PANK3: variants seen among roughly 807,000 people sequenced by gnomAD.
PANK3 encodes pantothenate kinase 3.
In PANK3, 20 loss-of-function variants were observed where a neutral mutation model predicts 39.4. The observed-to-expected ratio is 0.51, with a 90% CI of 0.36 to 0.74. PANK3 has a LOEUF of 0.74. Among genes scored for constraint, PANK3 ranks in the 30% least tolerant of loss-of-function variants. The pLI, the probability that PANK3 is intolerant of heterozygous loss-of-function variation, is 0.00. For synonymous variants in PANK3, 140 were observed against 157.3 expected, an observed-to-expected ratio of 0.89 and a Z score of 0.82; for missense variants, 265 against 437.0, an observed-to-expected ratio of 0.61 and a Z score of 3.51.
At chr5:168,564,915 A>AT in intron 3 of PANK3, among the ~76,000 whole-genome samples, 1 of 152,224 alleles carries the variant, frequency 6.6e-6, no homozygotes, top group Admixed American at 6.5e-5. Context: ...ATTTGCTTCT[A>AT]TTATTCTTCT....
In PANK3 at chr5:168,555,680, A is replaced by G. The variant is rs779375021; in HGVS notation, c.*1891T>C. On this transcript the variant is annotated 3_prime_UTR_variant, in exon 7 of 7. Coordinates refer to ENST00000239231, the MANE Select transcript of PANK3 (RefSeq NM_024594.4). The stretch of plus-strand genomic sequence containing the variant: ...GAGCACATCTCAATTTGGACTAACC[A>G]TATTTCAAATGCTCAACAGCTACAT... 3 of 152,258 alleles carry G rather than the reference A, an allele frequency of 2.0e-5. No homozygotes were observed. Among genetic ancestry groups the G allele is most frequent in the Non-Finnish European group, 2.9e-5 (2 of 68,044 alleles). The allele number at this position is 152,258 out of a possible 1,614,324, so 9.4% of individuals were successfully genotyped here.
intron 1 of PANK3, among the ~76,000 whole-genome samples, chr5:168,573,165 T>C (rs1759670201): frequency 6.6e-6 from 1 of 151,664 alleles, no homozygotes; most frequent in Non-Finnish European, 1.5e-5. Flanking sequence ...AACCAGAAAA[T>C]TGCAGGCTCC....
At chr5:168,570,022 A>T (rs892121283) in intron 1 of PANK3, among the ~76,000 whole-genome samples, 4 of 151,966 alleles carry the variant, frequency 2.6e-5, no homozygotes, top group Non-Finnish European at 5.9e-5. Flanking sequence ...TACACTGCAG[A>T]TTAGGTAACA....
intron 1 of PANK3, among the ~76,000 whole-genome samples, chr5:168,574,901 G>C (rs1041467020): frequency 6.6e-6 from 1 of 151,972 alleles, no homozygotes; most frequent in African/African-American, 2.4e-5. Flanking sequence ...AGGAAATCAA[G>C]CAAGTATCTA....
intron 5 of PANK3, 113 bp downstream of exon 5, chr5:168,561,280 A>G (rs1759443172): frequency 1.1e-6 from 1 of 876,216 alleles, no homozygotes; most frequent in Non-Finnish European, 1.7e-6. Context: ...TTAATGGGTT[A>G]CATCTCAATC....
intron 4 of PANK3, 116 bp from the exon 5 acceptor site, chr5:168,561,632 C>T (rs1759450477): frequency 1.2e-6 from 1 of 845,346 alleles, no homozygotes; most frequent in Admixed American, 3.9e-5. Flanking sequence ...AAAGTAGAAA[C>T]ACATAGGGAT....
chr5:168,565,067 C>T (rs542553411), intron 3 of PANK3, among the ~76,000 whole-genome samples: 6 of 152,126 alleles, frequency 3.9e-5, no homozygotes, highest in East Asian at 3.9e-4. Context: ...TAGAGTTAAC[C>T]GAAGAAGGCA....
intron 1 of PANK3, among the ~76,000 whole-genome samples, chr5:168,574,485 T>C (rs576417500): frequency 6.6e-6 from 1 of 152,204 alleles, no homozygotes; most frequent in South Asian, 2.1e-4. Context: ...AAACTTTACT[T>C]ATTTGCAGTG....
chr5:168,573,444 A>AAAAAAAAAAAAAACAAAC (rs1759679971), intron 1 of PANK3, among the ~76,000 whole-genome samples: 1 of 143,902 alleles, frequency 6.9e-6, no homozygotes, highest in African/African-American at 2.5e-5. Context: ...AAAAAAAAAA[A>AAAAAAAAAAAAAACAAAC]AAGGCACAAA....
intron 1 of PANK3, among the ~76,000 whole-genome samples, chr5:168,573,446 A>AAAAAAAAAAAAAAAAAAAAG (rs1759680097): frequency 7.4e-6 from 1 of 134,272 alleles, no homozygotes; most frequent in African/African-American, 2.7e-5. Context: ...AAAAAAAAAA[A>AAAAAAAAAAAAAAAAAAAAG]GGCACAAAGA....
intron 5 of PANK3, among the ~76,000 whole-genome samples, chr5:168,559,465 G>A (rs1432690006): frequency 6.6e-6 from 1 of 152,130 alleles, no homozygotes; most frequent in East Asian, 1.9e-4. Flanking sequence ...TCTACTATGG[G>A]ATGCTGAGGA....
At position 168,579,304 on chromosome 5, in the gene PANK3, T is replaced by C. The variant is rs781265819; in HGVS notation, c.-21A>G. ...TTCATGGCGTCGGCCCGAGGGGCGATGGACGGCCTCCGATCCGGGGCACTG... is the reference window on the plus strand; with the variant it reads ...TTCATGGCGTCGGCCCGAGGGGCGACGGACGGCCTCCGATCCGGGGCACTG... On this transcript the variant is annotated 5_prime_UTR_variant, in exon 1 of 7. Coordinates refer to ENST00000239231, the MANE Select transcript of PANK3 (RefSeq NM_024594.4). 7 of 1,475,328 alleles carry C rather than the reference T, an allele frequency of 4.7e-6. No individual in the cohort carries two copies. Among genetic ancestry groups the C allele is most frequent in the African/African-American group, 2.9e-5 (2 of 68,120 alleles). The allele number at this position is 1,475,328 out of a possible 1,614,324, so 91.4% of individuals were successfully genotyped here.
intron 6 of PANK3, 62 bp downstream of exon 6, chr5:168,558,970 C>A: frequency 2.6e-6 from 4 of 1,519,912 alleles, no homozygotes; most frequent in Non-Finnish European, 2.7e-6. Flanking sequence ...AGTGACAGAG[C>A]AAGACCCTGT....
In PANK3 at chr5:168,549,739, A is replaced by C. The variant is rs1217849780; in HGVS notation, c.*7832T>G. 6.6e-6 allele frequency: 1 copy of C among 152,214 alleles called. No individual in the cohort carries two copies. The highest frequency in any genetic ancestry group is 6.5e-5 in the Admixed American group (1 of 15,274). 9.4% of individuals were successfully genotyped at this position (152,214 alleles called of 1,614,324 possible). On this transcript the variant is annotated 3_prime_UTR_variant, in exon 7 of 7. Transcript: ENST00000239231. ...GTACCTGAAATCCCAGTATCAGCTC[A>C]TAGTACATTCATTCGTTCATTCATT...
Position 168,566,171 on chromosome 5 carries a change from C to A in PANK3, c.477G>T (p.Glu159Asp). 1 of 1,614,008 alleles carries A rather than the reference C, an allele frequency of 6.2e-7. No individual in the cohort carries two copies. The highest frequency in any genetic ancestry group is 2.2e-5 in the East Asian group (1 of 44,844). ...CTGAGGCATTAGCAAAATAATAGCA[C>A]TCGGCTTGTCCATTGAAACTGACAG... is the stretch of plus-strand genomic sequence containing the variant. ...IDSVSFNGQA[E>D]CYYFANASEP... is the part of the protein sequence containing the mutation. The change falls in exon 3 of 7, where the codon GAG (glutamate) becomes GAT (aspartate). Residue 159 changes from glutamate to aspartate, a missense_variant. By Grantham distance (45) the Glu-to-Asp change is conservative. Transcript: ENST00000239231.
At chr5:168,566,873 G>A (rs2113119833) in intron 2 of PANK3, among the ~76,000 whole-genome samples, 1 of 152,220 alleles carries the variant, frequency 6.6e-6, no homozygotes, top group East Asian at 1.9e-4. Flanking sequence ...CTCTCAAGTA[G>A]CTGGGATTGC....
At chr5:168,564,317 T>C (rs544019467) in intron 3 of PANK3, among the ~76,000 whole-genome samples, 1 of 152,282 alleles carries the variant, frequency 6.6e-6, no homozygotes, top group South Asian at 2.1e-4. Context: ...ATTAAATCTC[T>C]CCCAAAGTCT....
At chr5:168,567,003 CA>C (rs1253480847) in intron 2 of PANK3, among the ~76,000 whole-genome samples, 6 of 152,298 alleles carry the variant, frequency 3.9e-5, no homozygotes, top group Admixed American at 6.5e-5. Flanking sequence ...CTTGGCTTCC[CA>C]AAGTGCTGGA....
chr5:168,568,798 CAA>C lies in PANK3; in HGVS notation c.227_228del (p.Phe76TrpfsTer26). The C allele has an allele frequency of 6.2e-7, 1 of 1,613,868 alleles. No individual in the cohort carries two copies. Among genetic ancestry groups the C allele is most frequent in the Non-Finnish European group, 8.5e-7 (1 of 1,179,972 alleles). On this transcript the variant is annotated frameshift_variant, in exon 2 of 7. Coordinates refer to ENST00000239231, the MANE Select transcript of PANK3 (RefSeq NM_024594.4). LOFTEE classifies it high-confidence loss of function. ...ATAAAGTGCAAGTTCCCTCTTCGGC[CAA>C]AAAGTGTTAAATCTTTCAGTTCAAG... Reference protein sequence around the residue: ...VHLELKDLTLFGRRGNLHFIR... With the variant: ...VHLELKDLTLXGRRGNLHFIR...
Sources: allele counts gnomAD v4.1 joint callset (sites outside exome capture counted in the v4.1 genomes callset), GRCh38; gene constraint gnomAD v4.1.1; transcripts MANE v1.5; gene names NCBI Gene and HGNC (gene_info 2026-07-23, HGNC 2026-07-21).